The following ADAM18 variants were observed in gnomAD, a reference collection of about 807,000 sequenced individuals.
ADAM18 encodes the protein disintegrin and metalloproteinase domain-containing protein 18.
Under a neutral mutation model 94.4 loss-of-function variants are expected in ADAM18, and 117 were observed. The ratio of observed to expected loss-of-function variants is 1.24; its 90% CI spans 1.07 to 1.45. ADAM18 has a LOEUF of 1.45. Among genes scored for constraint, ADAM18 ranks in the 40% most tolerant of loss-of-function variants. ADAM18 has a pLI of 0.00. For missense variants in ADAM18, 936 were observed against 880.0 expected, an observed-to-expected ratio of 1.06 and a Z score of -0.81; for synonymous variants, 327 against 291.6, an observed-to-expected ratio of 1.12 and a Z score of -1.24.
intron 14 of ADAM18, among the ~76,000 whole-genome samples, chr8:39,673,263 G>T (rs1821206582): frequency 6.6e-6 from 1 of 152,086 alleles, no homozygotes; most frequent in Non-Finnish European, 1.5e-5. Context: ...GAGCAGATTA[G>T]CATGGCCTCA....
At chr8:39,691,260 C>G in intron 16 of ADAM18, among the ~76,000 whole-genome samples, 1 of 152,078 alleles carries the variant, frequency 6.6e-6, no homozygotes, top group Non-Finnish European at 1.5e-5. Flanking sequence ...ACGTATACAA[C>G]GTATAATGAT....
chr8:39,670,159 GTTGT>G (rs1171622068), intron 14 of ADAM18, among the ~76,000 whole-genome samples: 10 of 152,084 alleles, frequency 6.6e-5, no homozygotes, highest in Non-Finnish European at 8.8e-5. Context: ...TTTTGATGGG[GTTGT>G]TTGTTTTTTT....
At chr8:39,629,628 A>G (rs1201846692) in intron 7 of ADAM18, among the ~76,000 whole-genome samples, 189 bp downstream of exon 7, 1 of 115,618 alleles carries the variant, frequency 8.6e-6, no homozygotes, top group East Asian at 2.4e-4. Context: ...TCCTTCCTCT[A>G]CCCCTCCTTC....
intron 10 of ADAM18, among the ~76,000 whole-genome samples, chr8:39,645,071 T>A (rs749756925): frequency 1.9e-4 from 29 of 152,284 alleles, no homozygotes; most frequent in Non-Finnish European, 3.5e-4. Flanking sequence ...CATGTTGTAT[T>A]GTATCAGAAA....
At chr8:39,637,861 A>G (rs950942797) in intron 9 of ADAM18, among the ~76,000 whole-genome samples, 158 bp downstream of exon 9, 3 of 152,084 alleles carry the variant, frequency 2.0e-5, no homozygotes, top group African/African-American at 7.2e-5. Flanking sequence ...ACTTAAAAAT[A>G]TAATAAAAGT....
intron 16 of ADAM18, among the ~76,000 whole-genome samples, chr8:39,682,103 ACTAATGTT>A (rs1282226306): frequency 3.3e-5 from 5 of 152,154 alleles, no homozygotes; most frequent in African/African-American, 1.2e-4. Context: ...TCAACTCTTA[ACTAATGTT>A]CTACAGTAAA....
intron 6 of ADAM18, among the ~76,000 whole-genome samples, chr8:39,617,515 C>T (rs189409343): frequency 6.6e-6 from 1 of 152,240 alleles, no homozygotes; most frequent in Non-Finnish European, 1.5e-5. Flanking sequence ...AAAAATCATT[C>T]CACCATAAAA....
At position 39,610,525 on chromosome 8, in the gene ADAM18, T is replaced by G. The variant is rs1343693398; in HGVS notation, c.345-4T>G. On this transcript the variant is annotated splice_polypyrimidine_tract_variant and splice_region_variant and intron_variant, in intron 5 of 19. Transcript: ENST00000265707. ...CTATTTTCTTATGCCTTCTAAATTT[T>G]CAGGGGATTTCTCCAGTTTGAAAAT... 1.9e-6 allele frequency: 3 copies of G among 1,591,936 alleles called. No homozygotes were observed. Among genetic ancestry groups the G allele is most frequent in the Non-Finnish European group, 2.6e-6 (3 of 1,168,504 alleles).
intron 12 of ADAM18, among the ~76,000 whole-genome samples, chr8:39,657,649 A>G (rs1034759406): frequency 6.6e-6 from 1 of 152,162 alleles, no homozygotes; most frequent in Non-Finnish European, 1.5e-5. Context: ...GGAACATCTC[A>G]AGACTTGATG....
chr8:39,684,325 C>G (rs1821550661), intron 16 of ADAM18, among the ~76,000 whole-genome samples: 2 of 152,152 alleles, frequency 1.3e-5, no homozygotes, highest in African/African-American at 4.8e-5. Flanking sequence ...CTCATAGCAG[C>G]ATTTAATATA....
At chr8:39,667,472 G>T (rs1175448790) in intron 13 of ADAM18, among the ~76,000 whole-genome samples, 1 of 149,864 alleles carries the variant, frequency 6.7e-6, no homozygotes, top group Admixed American at 6.7e-5. Context: ...TGCTTACTAT[G>T]TATTGTTCTA....
intron 17 of ADAM18, among the ~76,000 whole-genome samples, chr8:39,705,026 G>A (rs895345968): frequency 6.6e-6 from 1 of 151,988 alleles, no homozygotes; most frequent in Admixed American, 6.6e-5. Context: ...CAAAAATGAT[G>A]GTCTTCCATA....
intron 6 of ADAM18, among the ~76,000 whole-genome samples, chr8:39,617,956 A>G (rs551888908): frequency 1.6e-4 from 25 of 152,288 alleles, no homozygotes; most frequent in African/African-American, 5.8e-4. Context: ...TCAAACCAGC[A>G]CTTCTATCCC....
At chr8:39,690,239 G>C (rs887283017) in intron 16 of ADAM18, among the ~76,000 whole-genome samples, 5 of 152,132 alleles carry the variant, frequency 3.3e-5, no homozygotes, top group African/African-American at 1.2e-4. Context: ...GGGTGTGGCA[G>C]GTGTGCCACT....
In ADAM18 at chr8:39,601,653, C is replaced by G. The variant is rs190079627; in HGVS notation, c.133-4654C>G. Among the ~76,000 whole-genome samples the G allele has an allele frequency of 6.6e-5, 10 of 152,146 alleles. No homozygotes were observed. The East Asian group carries it at 1.9e-3, about 29-fold the overall frequency. On this transcript the variant is annotated intron_variant, in intron 2 of 19. Transcript: ENST00000265707. Reference sequence around the variant, plus strand: ...TTTTATCCAATCTCACATTACCTGTCTTTTAGAAAAATGTATTGTACAATA... The same window carrying G: ...TTTTATCCAATCTCACATTACCTGTGTTTTAGAAAAATGTATTGTACAATA...
intron 7 of ADAM18, among the ~76,000 whole-genome samples, chr8:39,636,009 GTT>G (rs1286518727): frequency 1.5e-5 from 2 of 131,046 alleles, no homozygotes; most frequent in Non-Finnish European, 1.6e-5. Flanking sequence ...AAGTTTTTTT[GTT>G]TTTTTTTTTT....
At chr8:39,607,790 C>T (rs556650055) in intron 3 of ADAM18, among the ~76,000 whole-genome samples, 1 of 149,022 alleles carries the variant, frequency 6.7e-6, no homozygotes. Flanking sequence ...TAGAGTACTC[C>T]ATAGTATGGT....
At chr8:39,715,090 C>T (rs1446272645) in intron 18 of ADAM18, among the ~76,000 whole-genome samples, 1 of 151,942 alleles carries the variant, frequency 6.6e-6, no homozygotes, top group Non-Finnish European at 1.5e-5. Flanking sequence ...TTACAATGTA[C>T]CTTAACAAGC....
chr8:39,623,564 C>T (rs1367193345), intron 6 of ADAM18, among the ~76,000 whole-genome samples: 1 of 151,056 alleles, frequency 6.6e-6, no homozygotes, highest in African/African-American at 2.4e-5. Context: ...AAAGTGGTAT[C>T]TCATTATAAT....
Sources: allele counts gnomAD v4.1 joint callset (sites outside exome capture counted in the v4.1 genomes callset), GRCh38; gene constraint gnomAD v4.1.1; transcripts MANE v1.5; gene names NCBI Gene and HGNC (gene_info 2026-07-23, HGNC 2026-07-21).